MAP7D2: variants seen among roughly 807,000 people sequenced by gnomAD.
MAP7D2 encodes MAP7 domain containing 2.
In MAP7D2, 33 loss-of-function variants were observed where a neutral mutation model predicts 63.5. The observed-to-expected ratio is 0.52, with a 90% CI of 0.39 to 0.70. MAP7D2 has a LOEUF of 0.70. Among genes scored for constraint, MAP7D2 ranks in the 30% least tolerant of loss-of-function variants. MAP7D2 has a pLI of 0.00. For missense variants in MAP7D2, 626 were observed against 604.0 expected (o/e 1.04, Z -0.38); for synonymous variants, 224 against 223.7 (o/e 1.00, Z -0.01).
intron 1 of MAP7D2, among the ~76,000 whole-genome samples, chrX:20,106,365 C>T (rs1437797623): frequency 2.7e-5 from 3 of 112,040 alleles, no homozygotes; most frequent in Non-Finnish European, 5.6e-5. Context: ...CTGGGGAATC[C>T]GGGCCTGCTT....
chrX:20,070,261 C>CTTATTTATTTAT (rs34768588), intron 1 of MAP7D2, among the ~76,000 whole-genome samples: 20 of 103,026 alleles, frequency 1.9e-4, no homozygotes, highest in South Asian at 8.6e-4. Flanking sequence ...CAATTTTTTT[C>CTTATTTATTTAT]TTATTTATTT....
intron 1 of MAP7D2, among the ~76,000 whole-genome samples, chrX:20,101,023 A>C (rs1419673597): frequency 9.3e-6 from 1 of 106,995 alleles, no homozygotes; most frequent in Non-Finnish European, 1.9e-5. Flanking sequence ...CTCCGTCTCA[A>C]AAAAAAAAAA....
intron 1 of MAP7D2, among the ~76,000 whole-genome samples, chrX:20,078,597 T>C (rs764461827): frequency 4.4e-5 from 5 of 112,746 alleles, no homozygotes; most frequent in Non-Finnish European, 7.5e-5. Flanking sequence ...TGGGGAAGCT[T>C]CTCAGCCTCA....
chrX:20,052,387 A>T, intron 5 of MAP7D2: 1 of 290,729 alleles, frequency 3.4e-6, no homozygotes, highest in Non-Finnish European at 6.6e-6. Context: ...AGGCCTCATT[A>T]GTTCTGTGCT....
intron 1 of MAP7D2, among the ~76,000 whole-genome samples, chrX:20,065,938 C>T (rs1265429612): frequency 5.7e-4 from 56 of 97,903 alleles, no homozygotes; most frequent in East Asian, 2.5e-3. Context: ...TTTTTTGAGA[C>T]GGAGTCTCGC....
Position 20,044,460 on chromosome X carries a change from G to C in MAP7D2, c.783C>G (p.Pro261=), listed in dbSNP as rs1248529973. 2 of 1,210,005 alleles carry C rather than the reference G, an allele frequency of 1.7e-6. No homozygotes were observed. The highest frequency in any genetic ancestry group is 2.2e-6 in the Non-Finnish European group (2 of 893,834). The change falls in exon 7 of 17, where the codon CCC becomes CCG. Residue 261 remains proline (P), a synonymous_variant. Coordinates refer to ENST00000379643, the MANE Select transcript of MAP7D2 (RefSeq NM_001168465.2). ...GPLNPSYKSS[P]TRNIEKKKAT... ...CTTTCTTCTTCTCAATGTTTCGAGT[G>C]GGTGAAGACTTGTAAGAAGGGTTAA...
chrX:20,109,831 T>C (rs2066686390), intron 1 of MAP7D2, among the ~76,000 whole-genome samples: 1 of 109,547 alleles, frequency 9.1e-6, no homozygotes, highest in Non-Finnish European at 1.9e-5. Flanking sequence ...AGGTCAGGAG[T>C]TCGAGACCAG....
chrX:20,113,300 G>A (rs1311879933), intron 1 of MAP7D2, among the ~76,000 whole-genome samples: 2 of 111,102 alleles, frequency 1.8e-5, no homozygotes, highest in African/African-American at 6.6e-5. Flanking sequence ...GGGGTGGAGT[G>A]CAGTGGCTCA....
intron 3 of MAP7D2, among the ~76,000 whole-genome samples, chrX:20,059,931 C>A (rs1019993261): frequency 9.0e-6 from 1 of 111,154 alleles, no homozygotes; most frequent in African/African-American, 3.3e-5. Context: ...GCCAGCAGGG[C>A]ACATTCCAGA....
chrX:20,045,157 C>T lies in MAP7D2; in HGVS notation c.719-633G>A, dbSNP rs986523537. On this transcript the variant is annotated intron_variant, in intron 6 of 16. Transcript: ENST00000379643. The stretch of plus-strand genomic sequence containing the variant: ...AATGTGTTGGTAGAGGAATTAAGCT[C>T]GTCCCATGTGACTCCACTGGAAGAA... Among the ~76,000 whole-genome samples, 3 of 111,100 alleles carry T rather than the reference C, an allele frequency of 2.7e-5. 1 individual carries two copies. Among genetic ancestry groups the T allele is most frequent in the Non-Finnish European group, 5.7e-5 (3 of 53,084 alleles).
intron 1 of MAP7D2, among the ~76,000 whole-genome samples, chrX:20,106,063 C>T (rs2066558428): frequency 8.9e-6 from 1 of 112,023 alleles, no homozygotes; most frequent in Non-Finnish European, 1.9e-5. Context: ...CCACTATCAA[C>T]AATAATCCAC....
At chrX:20,102,770 G>C (rs1331177238) in intron 1 of MAP7D2, among the ~76,000 whole-genome samples, 1 of 107,845 alleles carries the variant, frequency 9.3e-6, no homozygotes, top group African/African-American at 3.4e-5. Context: ...GGCTGTAATG[G>C]GCGGGGTGGG....
intron 1 of MAP7D2, among the ~76,000 whole-genome samples, chrX:20,065,264 C>CTT (rs779399409): frequency 1.4e-4 from 13 of 91,435 alleles, no homozygotes; most frequent in Admixed American, 2.4e-4. Context: ...GAACATTTTA[C>CTT]TTTTTTTTTT....
At chrX:20,016,389 T>C in intron 10 of MAP7D2, 64 bp from the exon 11 acceptor site, 2 of 985,944 alleles carry the variant, frequency 2.0e-6, no homozygotes, top group Non-Finnish European at 2.8e-6. Context: ...CAGAGAACTG[T>C]GTGCTGACAG....
chrX:20,102,384 A>G (rs984873566), intron 1 of MAP7D2, among the ~76,000 whole-genome samples: 22 of 110,956 alleles, frequency 2.0e-4, no homozygotes, highest in African/African-American at 7.2e-4. Context: ...ACAGAGAGGA[A>G]AAGAATTCCA....
intron 1 of MAP7D2, among the ~76,000 whole-genome samples, chrX:20,090,115 T>C (rs1211419520): frequency 8.9e-6 from 1 of 111,862 alleles, no homozygotes; most frequent in East Asian, 2.8e-4. Context: ...TCCAGAACTA[T>C]TTTTGCACAG....
intron 8 of MAP7D2, among the ~76,000 whole-genome samples, chrX:20,036,603 G>T (rs2064494380): frequency 9.5e-6 from 1 of 105,217 alleles, no homozygotes; most frequent in Non-Finnish European, 2.0e-5. Context: ...TAAAATAAAA[G>T]TTTTTTAAAA....
At chrX:20,049,902 A>T (rs754133480) in intron 6 of MAP7D2, 1 of 305,546 alleles carries the variant, frequency 3.3e-6, no homozygotes, top group Non-Finnish European at 6.2e-6. Flanking sequence ...GTGGCATCCC[A>T]CTATGGTTTT....
intron 8 of MAP7D2, among the ~76,000 whole-genome samples, chrX:20,031,213 C>T (rs1194136900): frequency 1.8e-5 from 2 of 109,729 alleles, no homozygotes; most frequent in Admixed American, 2.0e-4. Flanking sequence ...TCACTTGAAC[C>T]CGGGAGGCGG....
Sources: gnomAD v4.1 joint callset for allele counts (sites outside exome capture counted in the v4.1 genomes callset) on GRCh38, gnomAD v4.1.1 for gene constraint, MANE v1.5 for transcripts, NCBI Gene and HGNC (gene_info 2026-07-23, HGNC 2026-07-21) for gene names.